The following CDKN2B-AS1 variants were observed in gnomAD, a reference collection of about 807,000 sequenced individuals.
The protein encoded by CDKN2B-AS1 is CDKN2B and CDKN2A antisense cis and trans regulatory RNA 1.
At chr9:22,127,773 A>G (rs190286363) in exon 5 of CDKN2B-AS1, among the ~76,000 whole-genome samples, 1 of 152,330 alleles carries the variant, frequency 6.6e-6, no homozygotes, top group East Asian at 1.9e-4. Context: ...TGAACCATGA[A>G]AACTCTAATT....
chr9:22,014,844 G>A (rs1310498062), intron 1 of CDKN2B-AS1, among the ~76,000 whole-genome samples: 1 of 144,576 alleles, frequency 6.9e-6, no homozygotes, highest in Non-Finnish European at 1.5e-5. Flanking sequence ...CCATCTATGA[G>A]TGAGAACATG....
At chr9:22,102,415 G>A (rs1037254068) in intron 4 of CDKN2B-AS1, among the ~76,000 whole-genome samples, 1 of 152,136 alleles carries the variant, frequency 6.6e-6, no homozygotes, top group East Asian at 1.9e-4. Context: ...CAACAGAAAT[G>A]TATTTACAGT....
intron 4 of CDKN2B-AS1, among the ~76,000 whole-genome samples, chr9:22,098,133 TG>T (rs1396130861): frequency 6.6e-6 from 1 of 151,198 alleles, no homozygotes; most frequent in Admixed American, 6.6e-5. Flanking sequence ...ATAATGTAGA[TG>T]GAATATCTTT....
At chr9:22,126,562 A>G (rs1168488203) in intron 4 of CDKN2B-AS1, among the ~76,000 whole-genome samples, 1 of 139,416 alleles carries the variant, frequency 7.2e-6, no homozygotes, top group Admixed American at 7.0e-5. Flanking sequence ...ATGGGGATGG[A>G]GTAAGTGGAT....
intron 1 of CDKN2B-AS1, among the ~76,000 whole-genome samples, chr9:22,042,038 G>A (rs544471415): frequency 2.0e-5 from 3 of 152,046 alleles, no homozygotes; most frequent in Non-Finnish European, 2.9e-5. Flanking sequence ...TTTTACATGA[G>A]TTGACAGACT....
chr9:22,114,918 T>C (rs73441209), intron 4 of CDKN2B-AS1, among the ~76,000 whole-genome samples: 2 of 152,216 alleles, frequency 1.3e-5, no homozygotes, highest in Non-Finnish European at 2.9e-5. Flanking sequence ...TTTATCATAC[T>C]TTATTTTAAA....
intron 1 of CDKN2B-AS1, among the ~76,000 whole-genome samples, chr9:22,017,937 C>G (rs1406826918): frequency 6.6e-6 from 1 of 152,010 alleles, no homozygotes; most frequent in Admixed American, 6.6e-5. Flanking sequence ...CTGCTCTGTT[C>G]TTAATGGATC....
intron 4 of CDKN2B-AS1, among the ~76,000 whole-genome samples, chr9:22,101,724 A>T (rs749813974): frequency 6.6e-6 from 1 of 150,904 alleles, no homozygotes; most frequent in Non-Finnish European, 1.5e-5. Context: ...TTCTACATGT[A>T]CAAGAGTGCA....
intron 1 of CDKN2B-AS1, among the ~76,000 whole-genome samples, chr9:22,017,824 C>T (rs879858701): frequency 0.022 from 3,374 of 152,242 alleles, 93 homozygotes; most frequent in African/African-American, 0.062. Flanking sequence ...AGAGGTGTTG[C>T]ATTAGTAACC....
chr9:22,062,238 C>G (rs963901355), intron 4 of CDKN2B-AS1, among the ~76,000 whole-genome samples: 6 of 152,082 alleles, frequency 3.9e-5, no homozygotes, highest in Non-Finnish European at 5.9e-5. Flanking sequence ...ATGCACCATG[C>G]TATTGTTAGC....
chr9:22,087,723 C>T lies in CDKN2B-AS1; in HGVS notation n.438+31336C>T, dbSNP rs368580797. 7.7e-4 allele frequency among the ~76,000 whole-genome samples: 117 copies of T among 152,278 alleles called. 1 individual carries two copies. Among genetic ancestry groups the T allele is most frequent in the Middle Eastern group, 3.4e-3 (1 of 294 alleles). ...CTTTGATTTTGTCATATCCTTGTAT[C>T]ATCTGCACTAATAGAAATATTTTTC... On this transcript the variant is annotated intron_variant and non_coding_transcript_variant, in intron 4 of 4. Transcript: ENST00000650946.
At chr9:22,081,614 C>T (rs1824697889) in intron 4 of CDKN2B-AS1, among the ~76,000 whole-genome samples, 1 of 152,202 alleles carries the variant, frequency 6.6e-6, no homozygotes, top group Admixed American at 6.5e-5. Flanking sequence ...TCAACACAGC[C>T]CCTGGGACAG....
chr9:22,071,831 T>C (rs1436334767), intron 4 of CDKN2B-AS1, among the ~76,000 whole-genome samples: 1 of 152,232 alleles, frequency 6.6e-6, no homozygotes, highest in Admixed American at 6.5e-5. Context: ...TAGTTACTTC[T>C]AGTCAGTATT....
At chr9:22,010,379 A>T (rs776657184) in intron 1 of CDKN2B-AS1, among the ~76,000 whole-genome samples, 7 of 152,188 alleles carry the variant, frequency 4.6e-5, no homozygotes, top group Admixed American at 3.3e-4. Context: ...TTTGGTGAGG[A>T]ACTGCATAAG....
chr9:21,995,114 C>CGGCGCT (rs1297589263), upstream of CDKN2B-AS1: 2 of 152,182 alleles, frequency 1.3e-5, no homozygotes, highest in South Asian at 2.1e-4. The surrounding 1 kb of genome is among the most constrained non-coding windows in gnomAD (Gnocchi z 5.7). Context: ...GGACACGGCG[C>CGGCGCT]GGCGCTGGCG....
At position 22,063,795 on chromosome 9, in the gene CDKN2B-AS1, A is replaced by T. The variant is rs150742121; in HGVS notation, n.438+7408A>T. 636 of 152,514 alleles carry T rather than the reference A, an allele frequency of 4.2e-3. 4 individuals carry two copies. Among genetic ancestry groups the T allele is most frequent in the South Asian group, 0.026 (127 of 4,826 alleles). 9.4% of individuals were successfully genotyped at this position (152,514 alleles called of 1,614,324 possible). On this transcript the variant is annotated intron_variant and non_coding_transcript_variant, in intron 4 of 4. Coordinates refer to ENST00000650946, the Ensembl canonical transcript of CDKN2B-AS1. Reference sequence around the variant, plus strand: ...GAGCTGGAGGACTCAAAGAGTTTGGAGAGCAGACGTGTGCAAGTGAGGGTT... The same window carrying T: ...GAGCTGGAGGACTCAAAGAGTTTGGTGAGCAGACGTGTGCAAGTGAGGGTT...
intron 4 of CDKN2B-AS1, among the ~76,000 whole-genome samples, chr9:22,123,584 G>T (rs1215650134): frequency 1.3e-5 from 2 of 152,172 alleles, no homozygotes; most frequent in Non-Finnish European, 2.9e-5. Context: ...GAGCTGGCAG[G>T]TGCTGCTATT....
At chr9:22,032,339 C>A (rs1162554623) in intron 1 of CDKN2B-AS1, among the ~76,000 whole-genome samples, 1 of 152,100 alleles carries the variant, frequency 6.6e-6, no homozygotes, top group Non-Finnish European at 1.5e-5. Flanking sequence ...CTCCTTTCCC[C>A]TTTTCCTCCC....
intron 1 of CDKN2B-AS1, chr9:22,012,502 C>A: frequency 2.3e-5 from 15 of 666,486 alleles, no homozygotes; most frequent in South Asian, 2.1e-4. Context: ...AGAAGTGTGG[C>A]CACACCAACA....
Sources: gnomAD v4.1 joint callset for allele counts (sites outside exome capture counted in the v4.1 genomes callset) on GRCh38, gnomAD v4.1.1 for gene constraint, Gnocchi (gnomAD v3.1) non-coding constraint, MANE v1.5 for transcripts, NCBI Gene and HGNC (gene_info 2026-07-23, HGNC 2026-07-21) for gene names.